The following DOCK3 variants were observed in gnomAD, a reference collection of about 807,000 sequenced individuals.
The protein encoded by DOCK3 is dedicator of cytokinesis protein 3.
DOCK3 carries 60 observed loss-of-function variants against 265.6 expected under a neutral mutation model. The ratio of observed to expected loss-of-function variants is 0.23; its 90% CI spans 0.18 to 0.28. The LOEUF (loss-of-function observed/expected upper bound fraction) is 0.28, where lower values mean the gene tolerates loss of function less well. DOCK3 is among the 10% of genes least tolerant of loss of function. The pLI is 1.00. For synonymous variants in DOCK3, 881 were observed against 938.0 expected (o/e 0.94, Z 1.11); for missense variants, 1,981 against 2,594.3 (o/e 0.76, Z 5.14).
chr3:51,173,991 T>G (rs895142748), intron 12 of DOCK3, among the ~76,000 whole-genome samples: 1 of 152,216 alleles, frequency 6.6e-6, no homozygotes, highest in Non-Finnish European at 1.5e-5. Context: ...TTTTCTCTTT[T>G]TGTGTCTCTA....
chr3:51,025,746 C>G (rs1013559637), intron 5 of DOCK3, among the ~76,000 whole-genome samples: 1 of 152,192 alleles, frequency 6.6e-6, no homozygotes, highest in African/African-American at 2.4e-5. Context: ...GGAATCACTT[C>G]CCTTGGTTCA....
chr3:51,091,502 T>C (rs1444858933), intron 9 of DOCK3, among the ~76,000 whole-genome samples: 1 of 151,666 alleles, frequency 6.6e-6, no homozygotes, highest in African/African-American at 2.4e-5. Flanking sequence ...ACCAACATAG[T>C]GAAACCCCAT....
intron 27 of DOCK3, among the ~76,000 whole-genome samples, chr3:51,290,284 G>A (rs1330934576): frequency 2.0e-5 from 3 of 152,058 alleles, no homozygotes; most frequent in Admixed American, 2.0e-4. Context: ...TGGAACCAAC[G>A]CAGATGTCCA....
At chr3:50,971,247 G>T (rs2077225025) in intron 5 of DOCK3, among the ~76,000 whole-genome samples, 1 of 151,476 alleles carries the variant, frequency 6.6e-6, no homozygotes, top group Admixed American at 6.6e-5. Context: ...GTGTTGTAAT[G>T]CTGTTTTTTT....
chr3:50,875,204 T>A (rs1050043277), intron 3 of DOCK3, among the ~76,000 whole-genome samples: 11 of 152,218 alleles, frequency 7.2e-5, no homozygotes, highest in Non-Finnish European at 5.9e-5. Flanking sequence ...ATCCCAGAAC[T>A]TAAAGTAAAA....
rs367706498 is a variant in DOCK3, at chr3:51,149,657, T to C, written c.828+3027T>C. ...TGGATTACATTTATTGATTTGTGTA[T>C]GTTGAACCAGCCTTGCATCCCAGGG... On this transcript the variant is annotated intron_variant, in intron 10 of 52. Transcript: ENST00000266037. 9.2e-5 allele frequency among the ~76,000 whole-genome samples: 14 copies of C among 152,354 alleles called. No individual in the cohort carries two copies. In the East Asian group the frequency reaches 9.6e-4, roughly 10 times the overall value.
At chr3:50,929,901 A>G (rs2050964073) in intron 4 of DOCK3, among the ~76,000 whole-genome samples, 2 of 152,252 alleles carry the variant, frequency 1.3e-5, no homozygotes, top group Admixed American at 1.3e-4. Context: ...AATAGCTACC[A>G]TTTATTAAAT....
intron 1 of DOCK3, among the ~76,000 whole-genome samples, chr3:50,736,500 A>C (rs2038628654): frequency 1.3e-5 from 2 of 152,148 alleles, no homozygotes; most frequent in Admixed American, 1.3e-4. Flanking sequence ...TGGTTGAACT[A>C]GTTTACAGTC....
chr3:50,764,042 T>C (rs1199126373), intron 1 of DOCK3, among the ~76,000 whole-genome samples: 2 of 152,238 alleles, frequency 1.3e-5, no homozygotes, highest in African/African-American at 2.4e-5. Context: ...TACGACTAGC[T>C]AATGACCTAC....
chr3:50,675,398 C>T lies in DOCK3; in HGVS notation c.37+98C>T. ...CGCATCCTCGTGCCCCCGCCACTGC[C>T]CGCAGGCTGCGCGGCCTCGGCGCGG... On this transcript the variant is annotated intron_variant, in intron 1 of 52. Transcript: ENST00000266037. This position sits in a 1 kb window ranked among gnomAD's most constrained non-coding sequence, Gnocchi z 6.1. 9.3e-7 allele frequency: 1 copy of T among 1,070,754 alleles called. No homozygotes were observed. The highest frequency in any genetic ancestry group is 1.2e-6 in the Non-Finnish European group (1 of 857,176). 66.3% of individuals were successfully genotyped at this position (1,070,754 alleles called of 1,614,324 possible). A position where few individuals can be genotyped will look rare whatever the true frequency, so the allele number is the denominator to read the frequency against.
At chr3:51,335,454 A>G (rs1158623168) in intron 35 of DOCK3, among the ~76,000 whole-genome samples, 1 of 152,180 alleles carries the variant, frequency 6.6e-6, no homozygotes, top group Non-Finnish European at 1.5e-5. Flanking sequence ...TTCCCAAGCC[A>G]GGAGCTTACC....
At chr3:50,783,252 CA>C (rs1248983136) in intron 2 of DOCK3, among the ~76,000 whole-genome samples, 1 of 152,082 alleles carries the variant, frequency 6.6e-6, no homozygotes, top group East Asian at 1.9e-4. Context: ...GGAATCTCCA[CA>C]CTGTTTTTCA....
rs771739324 is a variant in DOCK3, at chr3:51,361,457, C to G, written c.5007-402C>G. ...TAGGAAGAAGCCTCTGACCAAGAAGCAGATCCCATCATGGTGTGGGGGGGT... is the reference window on the plus strand; with the variant it reads ...TAGGAAGAAGCCTCTGACCAAGAAGGAGATCCCATCATGGTGTGGGGGGGT... On this transcript the variant is annotated intron_variant, in intron 47 of 52. Transcript: ENST00000266037. The surrounding 1 kb of genome is among the most constrained non-coding windows in gnomAD (Gnocchi z 4.2). Among the ~76,000 whole-genome samples, 121 of 151,036 alleles carry G rather than the reference C, an allele frequency of 8.0e-4. No individual in the cohort carries two copies. The highest frequency in any genetic ancestry group is 1.5e-3 in the Non-Finnish European group (104 of 67,830).
Position 51,228,001 on chromosome 3 carries a change from G to T in DOCK3, c.1560G>T (p.Lys520Asn), listed in dbSNP as rs1682181883. ...TTACAGCAAAGGACAAAGGGGAAAA[G>T]AAACTCTTTGGCTTTGCATTCTCAA... ...RHCSTKDKGEKKLFGFAFSTL... is the reference protein window; with the variant it reads ...RHCSTKDKGENKLFGFAFSTL... Residue 520 changes from lysine to asparagine, a missense_variant, in exon 17 of 53, where the codon AAG (lysine) becomes AAT (asparagine). Physicochemically the swap from Lys to Asn is moderately conservative, Grantham distance 94. Around this residue, in one of 4 missense-constraint regions of DOCK3, gnomAD observed 1,357 missense variants for 1,866.8 expected, o/e 0.73. Transcript: ENST00000266037. 6.2e-7 allele frequency: 1 copy of T among 1,614,052 alleles called. No individual in the cohort carries two copies. The highest frequency in any genetic ancestry group is 8.5e-7 in the Non-Finnish European group (1 of 1,179,896).
chr3:50,796,841 G>C (rs1475347662), intron 2 of DOCK3, among the ~76,000 whole-genome samples: 1 of 151,936 alleles, frequency 6.6e-6, no homozygotes, highest in African/African-American at 2.4e-5. Context: ...GACTGGCTTA[G>C]TTTGCAGAAG....
chr3:51,338,364 G>A lies in DOCK3; in HGVS notation c.3617G>A (p.Cys1206Tyr). Residue 1206 changes from cysteine (C) to tyrosine (Y), a missense_variant, in exon 36 of 53, where the codon TGC becomes TAC. Cys to Tyr is a radical substitution (Grantham distance 194). Around this residue, in one of 4 missense-constraint regions of DOCK3, gnomAD observed 1,357 missense variants for 1,866.8 expected, o/e 0.73. Coordinates refer to ENST00000266037, the MANE Select transcript of DOCK3 (RefSeq NM_004947.5). ...ATCTGTGCTCTCTCTTCCAGGGACTGCATGAAAGGAGAGGAAACAGAGAAT... is the reference window on the plus strand; with the variant it reads ...ATCTGTGCTCTCTCTTCCAGGGACTACATGAAAGGAGAGGAAACAGAGAAT... ...LMERLLDYRD[C>Y]MKGEETENKK... 6.4e-7 allele frequency: 1 copy of A among 1,551,692 alleles called. No homozygotes were observed. Among genetic ancestry groups the A allele is most frequent in the Non-Finnish European group, 8.7e-7 (1 of 1,146,968 alleles).
chr3:50,795,230 G>A (rs984745585), intron 2 of DOCK3, among the ~76,000 whole-genome samples: 1 of 152,096 alleles, frequency 6.6e-6, no homozygotes, highest in African/African-American at 2.4e-5. Context: ...TTCTTGTGAA[G>A]TATGTTACTG....
intron 7 of DOCK3, among the ~76,000 whole-genome samples, chr3:51,077,391 C>T (rs1456109098): frequency 6.6e-6 from 1 of 152,044 alleles, no homozygotes; most frequent in African/African-American, 2.4e-5. Context: ...CCTTTGCTTG[C>T]TGTGTGGAAA....
chr3:51,362,884 C>T (rs1035351389), intron 49 of DOCK3, among the ~76,000 whole-genome samples: 12 of 152,242 alleles, frequency 7.9e-5, no homozygotes, highest in Admixed American at 6.5e-5. Flanking sequence ...GTGGCTGCCG[C>T]TGTGCCGCCA....
Sources: gnomAD v4.1 joint callset for allele counts (sites outside exome capture counted in the v4.1 genomes callset) on GRCh38, gnomAD v4.1.1 for gene constraint, gnomAD v4.1.1 regional missense constraint, Gnocchi (gnomAD v3.1) non-coding constraint, MANE v1.5 for transcripts, NCBI Gene and HGNC (gene_info 2026-07-23, HGNC 2026-07-21) for gene names.